MAPK10: variants seen among roughly 807,000 people sequenced by gnomAD.
MAPK10 encodes mitogen-activated protein kinase 10.
Under a neutral mutation model 59.3 loss-of-function variants are expected in MAPK10, and 25 were observed. The ratio of observed to expected loss-of-function variants is 0.42; its 90% CI spans 0.31 to 0.59. The LOEUF (loss-of-function observed/expected upper bound fraction) is 0.59. Ranked by LOEUF, MAPK10 falls within the 20% of genes least tolerant of loss-of-function variation. The pLI, the probability that MAPK10 is intolerant of heterozygous loss-of-function variation, is 0.15. For missense variants in MAPK10, 351 were observed against 568.9 expected, an observed-to-expected ratio of 0.62 and a Z score of 3.90; for synonymous variants, 190 against 200.5, an observed-to-expected ratio of 0.95 and a Z score of 0.44.
In MAPK10 at chr4:86,528,436, T is replaced by G. The variant is rs142183774; in HGVS notation, c.-263+65474A>C. On this transcript the variant is annotated intron_variant, in intron 1 of 4. Coordinates refer to the MAPK10 transcript ENST00000502302. ...CTTTTATCCTTCTATATATTTTGAA[T>G]TCCGTGATATGGCACATATAATTAT... 5.9e-3 allele frequency among the ~76,000 whole-genome samples: 904 copies of G among 152,316 alleles called. 7 individuals are homozygous for G. Among genetic ancestry groups the G allele is most frequent in the African/African-American group, 0.019 (808 of 41,560 alleles).
At chr4:86,294,576 T>C (rs1206342225) in intron 2 of MAPK10, among the ~76,000 whole-genome samples, 5 of 151,790 alleles carry the variant, frequency 3.3e-5, no homozygotes, top group Admixed American at 6.6e-5. Context: ...TTTTCTGACA[T>C]TGAAAAATAG....
chr4:86,512,655 T>A (rs950259710), intron 1 of MAPK10, among the ~76,000 whole-genome samples: 2 of 152,208 alleles, frequency 1.3e-5, no homozygotes, highest in Non-Finnish European at 2.9e-5. Flanking sequence ...GCTATCTACC[T>A]ACAGACTAGA....
chr4:86,017,335 A>T lies in MAPK10; in HGVS notation c.1288T>A (p.Ser430Thr), dbSNP rs1385750856. 6.2e-7 allele frequency: 1 copy of T among 1,614,012 alleles called. No individual in the cohort carries two copies. Among genetic ancestry groups the T allele is most frequent in the Non-Finnish European group, 8.5e-7 (1 of 1,180,014 alleles). The change falls in exon 14 of 14, where the codon TCC (serine) becomes ACC (threonine). Residue 430 changes from serine (S) to threonine (T), a missense_variant. This residue lies in a region of MAPK10 where 155 missense variants were observed against 204.2 expected (regional missense o/e 0.76). Coordinates refer to ENST00000641462, the MANE Select transcript of MAPK10 (RefSeq NM_138982.4). The surrounding 1 kb of genome is among the most constrained non-coding windows in gnomAD (Gnocchi z 4.4). ...AVNSSESLPP[S>T]SSVNDISSMS... ...GAGGAGATGTCATTGACAGACGAGG[A>T]TGGAGGGAGACTCTCACTGCTGTTC...
intron 1 of MAPK10, among the ~76,000 whole-genome samples, chr4:86,409,412 A>G (rs1187602127): frequency 6.6e-6 from 1 of 152,138 alleles, no homozygotes; most frequent in East Asian, 1.9e-4. Context: ...ATGAACTTTA[A>G]AGTAGTTTTT....
At chr4:86,112,979 C>CTT (rs532811754) in intron 4 of MAPK10, among the ~76,000 whole-genome samples, 1,617 of 146,098 alleles carry the variant, frequency 0.011, 30 homozygotes, top group African/African-American at 0.037. Flanking sequence ...CCTTCTTTGT[C>CTT]TTTTTTTTTT....
At chr4:86,514,144 A>T (rs1300539113) in intron 1 of MAPK10, among the ~76,000 whole-genome samples, 1 of 152,194 alleles carries the variant, frequency 6.6e-6, no homozygotes, top group Non-Finnish European at 1.5e-5. Flanking sequence ...AACTAAAAAA[A>T]TAGACTTGGG....
intron 1 of MAPK10, among the ~76,000 whole-genome samples, chr4:86,431,925 T>A (rs1278613753): frequency 6.6e-6 from 1 of 152,226 alleles, no homozygotes; most frequent in Admixed American, 6.5e-5. Context: ...GAAAACTCTC[T>A]CTGTGTATCC....
chr4:86,330,531 G>A (rs563982256), intron 2 of MAPK10, among the ~76,000 whole-genome samples: 1 of 152,244 alleles, frequency 6.6e-6, no homozygotes, highest in African/African-American at 2.4e-5. Context: ...TTACCCCCAT[G>A]CTGCTGTTCT....
chr4:86,469,163 G>A (rs934888348), intron 1 of MAPK10, among the ~76,000 whole-genome samples: 7 of 151,998 alleles, frequency 4.6e-5, no homozygotes, highest in Admixed American at 4.6e-4. Context: ...TACTTGGGAA[G>A]CTGAGGTGGT....
chr4:86,523,091 ATCAT>A (rs879314503), intron 1 of MAPK10, among the ~76,000 whole-genome samples: 65 of 152,364 alleles, frequency 4.3e-4, no homozygotes, highest in Admixed American at 5.2e-4. Context: ...AATTTTTCAT[ATCAT>A]TCATTCTACT....
At chr4:86,361,666 C>T (rs149534095), upstream of MAPK10, among the ~76,000 whole-genome samples, 11 of 150,804 alleles carry the variant, frequency 7.3e-5, no homozygotes, top group East Asian at 1.9e-3. Flanking sequence ...AACACACATA[C>T]ACACACACAC....
At chr4:86,405,238 T>A (rs1415233461) in intron 1 of MAPK10, among the ~76,000 whole-genome samples, 2 of 152,168 alleles carry the variant, frequency 1.3e-5, no homozygotes, top group African/African-American at 4.8e-5. Context: ...TCATGATAGG[T>A]AAGATGATCT....
Position 86,373,595 on chromosome 4 carries a change from G to A in MAPK10, c.-121-18951C>T, listed in dbSNP as rs192503154. Among the ~76,000 whole-genome samples, 199 of 152,244 alleles carry A rather than the reference G, an allele frequency of 1.3e-3. 1 individual carries two copies. Among genetic ancestry groups the A allele is most frequent in the African/African-American group, 4.3e-3 (177 of 41,540 alleles). On this transcript the variant is annotated intron_variant, in intron 1 of 13. Transcript: ENST00000361569. ...CAACCCCATCAAAAAGTGGGTGAAG[G>A]ATATGAACAGATACTTCTCAAAAGA...
At chr4:86,359,072 A>AAT (rs1236228472) in intron 1 of MAPK10, among the ~76,000 whole-genome samples, 9 of 151,926 alleles carry the variant, frequency 5.9e-5, no homozygotes, top group African/African-American at 1.9e-4. Flanking sequence ...TTTTATATCT[A>AAT]ATATATATAT....
chr4:86,436,439 T>C (rs1437731680), intron 1 of MAPK10, among the ~76,000 whole-genome samples: 2 of 152,224 alleles, frequency 1.3e-5, no homozygotes, highest in Admixed American at 6.5e-5. Context: ...ATAGGAAAAC[T>C]ATCAAAACTT....
chr4:86,414,848 C>T (rs1745658594), intron 1 of MAPK10, among the ~76,000 whole-genome samples: 1 of 152,080 alleles, frequency 6.6e-6, no homozygotes, highest in African/African-American at 2.4e-5. Flanking sequence ...ATATAATATC[C>T]ATGTGGTTCT....
intron 2 of MAPK10, among the ~76,000 whole-genome samples, chr4:86,256,734 C>CTTTTTTTTTTTT (rs767737802): frequency 4.0e-4 from 24 of 59,620 alleles, no homozygotes; most frequent in South Asian, 5.2e-4. Flanking sequence ...TTCTTTCTTT[C>CTTTTTTTTTTTT]TTTTTTTTTT....
chr4:86,262,883 T>C (rs967995858), intron 2 of MAPK10, among the ~76,000 whole-genome samples: 3 of 152,312 alleles, frequency 2.0e-5, no homozygotes, highest in Admixed American at 6.5e-5. Context: ...GTCTACTCTG[T>C]GTCCAGGAGG....
chr4:86,475,582 G>C (rs1283897511), intron 1 of MAPK10, among the ~76,000 whole-genome samples: 2 of 152,084 alleles, frequency 1.3e-5, no homozygotes, highest in African/African-American at 4.8e-5. Context: ...TCTTCCCTTG[G>C]TGTTTAATCA....
Sources: allele counts gnomAD v4.1 joint callset (sites outside exome capture counted in the v4.1 genomes callset), GRCh38; gene constraint gnomAD v4.1.1; regional missense constraint gnomAD v4.1.1; non-coding constraint Gnocchi (gnomAD v3.1); transcripts MANE v1.5; gene names NCBI Gene and HGNC (gene_info 2026-07-23, HGNC 2026-07-21).